Variants in KIAA1217 observed in about 807,000 individuals in gnomAD.
KIAA1217 encodes sickle tail protein homolog.
Under a neutral mutation model 163.9 loss-of-function variants are expected in KIAA1217, and 88 were observed. The ratio of observed to expected loss-of-function variants is 0.54; its 90% CI spans 0.45 to 0.64. KIAA1217 has a LOEUF of 0.64. Ranked by LOEUF, KIAA1217 falls within the 30% of genes least tolerant of loss-of-function variation. KIAA1217 has a pLI of 0.00. For synonymous variants in KIAA1217, 903 were observed against 923.1 expected (o/e 0.98, Z 0.39); for missense variants, 2,372 against 2,475.0 (o/e 0.96, Z 0.88).
At chr10:24,265,186 C>T (rs187843644) in intron 2 of KIAA1217, among the ~76,000 whole-genome samples, 1 of 152,300 alleles carries the variant, frequency 6.6e-6, no homozygotes, top group African/African-American at 2.4e-5. Flanking sequence ...ATTTCAAAGA[C>T]ATTAGCCATG....
chr10:24,304,306 T>G (rs941985959), intron 2 of KIAA1217, among the ~76,000 whole-genome samples: 2 of 151,920 alleles, frequency 1.3e-5, no homozygotes, highest in Admixed American at 6.6e-5. Flanking sequence ...CACTTGACAT[T>G]TTGTTTTAGA....
rs148920415 is a variant in KIAA1217 at position 24,061,165 on chromosome 10, T to C, written c.-171+53791T>C. Among the ~76,000 whole-genome samples the C allele has an allele frequency of 2.8e-3, 428 of 152,326 alleles. 2 individuals carry two copies. Among genetic ancestry groups the C allele is most frequent in the African/African-American group, 9.2e-3 (383 of 41,576 alleles). ...ATTTTTCTTGTGTGTATTTTTCTTC[T>C]GTAGGTATTTTCTTTGTGGTTACCA... On this transcript the variant is annotated intron_variant, in intron 2 of 18. Coordinates refer to the KIAA1217 transcript ENST00000376462.
intron 2 of KIAA1217, among the ~76,000 whole-genome samples, chr10:24,337,310 A>G (rs184581987): frequency 6.4e-4 from 97 of 152,346 alleles, no homozygotes; most frequent in African/African-American, 2.2e-3. Flanking sequence ...ACATGAAAAG[A>G]TGGTTAATAT....
At chr10:24,336,701 G>C (rs1408075046) in intron 2 of KIAA1217, among the ~76,000 whole-genome samples, 1 of 152,166 alleles carries the variant, frequency 6.6e-6, no homozygotes, top group Non-Finnish European at 1.5e-5. Context: ...TCAAGAAAGA[G>C]GGCAGACTCT....
At chr10:23,918,427 A>G (rs1478134441) in intron 1 of KIAA1217, among the ~76,000 whole-genome samples, 1 of 152,152 alleles carries the variant, frequency 6.6e-6, no homozygotes, top group Non-Finnish European at 1.5e-5. Context: ...AATGAAGCAT[A>G]ACTGATGCTT....
At chr10:23,836,026 G>C (rs565876222) in intron 1 of KIAA1217, among the ~76,000 whole-genome samples, 2 of 152,126 alleles carry the variant, frequency 1.3e-5, no homozygotes, top group South Asian at 4.2e-4. Context: ...AAGTTAAAAT[G>C]GGGTCATTAT....
intron 5 of KIAA1217, among the ~76,000 whole-genome samples, chr10:24,446,474 C>T (rs1471209614): frequency 6.6e-6 from 1 of 152,058 alleles, no homozygotes; most frequent in African/African-American, 2.4e-5. Flanking sequence ...CCACTGAACT[C>T]AGAGCACTTT....
chr10:24,157,300 T>G (rs981614789), intron 2 of KIAA1217, among the ~76,000 whole-genome samples: 1 of 152,244 alleles, frequency 6.6e-6, no homozygotes, highest in Non-Finnish European at 1.5e-5. Context: ...ATCTTTCAGA[T>G]GTATCCATAG....
chr10:24,006,331 T>C (rs970256313), intron 1 of KIAA1217, among the ~76,000 whole-genome samples: 1 of 152,204 alleles, frequency 6.6e-6, no homozygotes, highest in Admixed American at 6.5e-5. Context: ...ATTACCTTTT[T>C]CCATACTTTT....
At chr10:23,932,698 C>T (rs1465337772) in intron 1 of KIAA1217, among the ~76,000 whole-genome samples, 1 of 152,172 alleles carries the variant, frequency 6.6e-6, no homozygotes, top group Non-Finnish European at 1.5e-5. Context: ...CATTAAAAAA[C>T]ATGAGTTCTG....
chr10:23,895,909 G>A (rs868619313), intron 1 of KIAA1217, among the ~76,000 whole-genome samples: 55 of 147,768 alleles, frequency 3.7e-4, no homozygotes, highest in South Asian at 1.3e-3. Flanking sequence ...ACCAAACACC[G>A]CATATTCTCA....
intron 2 of KIAA1217, among the ~76,000 whole-genome samples, chr10:24,326,089 C>G (rs2044842482): frequency 1.3e-5 from 2 of 152,164 alleles, no homozygotes; most frequent in African/African-American, 4.8e-5. Flanking sequence ...GAAAGCAACA[C>G]TATAAAGGCC....
intron 1 of KIAA1217, among the ~76,000 whole-genome samples, chr10:23,969,876 G>T (rs377594906): frequency 1.3e-5 from 2 of 152,208 alleles, no homozygotes; most frequent in East Asian, 3.8e-4. Flanking sequence ...TTCCACGTGG[G>T]TGGGGAGGCC....
chr10:24,521,644 C>T, intron 11 of KIAA1217, 138 bp from the exon 12 acceptor site: 1 of 1,003,414 alleles, frequency 1.0e-6, no homozygotes, highest in South Asian at 1.5e-5. Context: ...GTGCTCTTAA[C>T]CCACTGCCAC....
Position 24,500,769 on chromosome 10 carries a change from T to G in KIAA1217, c.1835-610T>G, listed in dbSNP as rs1032546390. Among the ~76,000 whole-genome samples, 26 of 152,226 alleles carry G rather than the reference T, an allele frequency of 1.7e-4. No individual in the cohort carries two copies. The South Asian group carries it at 5.2e-3, about 30-fold the overall frequency. Reference sequence around the variant, plus strand: ...TTCTCTATTATAAAATTGCAGATATTCAGTATGCAGATTTTAGAAATACAA... The same window carrying G: ...TTCTCTATTATAAAATTGCAGATATGCAGTATGCAGATTTTAGAAATACAA... On this transcript the variant is annotated intron_variant, in intron 8 of 20. Transcript: ENST00000376454.
intron 1 of KIAA1217, among the ~76,000 whole-genome samples, chr10:23,927,546 A>C (rs535175497): frequency 1.8e-4 from 27 of 152,320 alleles, no homozygotes; most frequent in African/African-American, 5.5e-4. Flanking sequence ...ACATGCTGTG[A>C]GATGCTCATA....
intron 1 of KIAA1217, among the ~76,000 whole-genome samples, chr10:23,802,497 G>A (rs749528495): frequency 6.6e-5 from 10 of 152,154 alleles, no homozygotes; most frequent in Non-Finnish European, 1.2e-4. Context: ...ACACCCAGGT[G>A]TCTGATTGAC....
At chr10:23,874,835 G>A (rs1840609137) in intron 1 of KIAA1217, among the ~76,000 whole-genome samples, 1 of 151,942 alleles carries the variant, frequency 6.6e-6, no homozygotes, top group African/African-American at 2.4e-5. Context: ...TTTCTGTGCT[G>A]CTATAAAGGA....
intron 2 of KIAA1217, among the ~76,000 whole-genome samples, chr10:24,226,528 G>A (rs1368800178): frequency 6.6e-6 from 1 of 152,062 alleles, no homozygotes; most frequent in South Asian, 2.1e-4. Context: ...TGTAGTCCCA[G>A]CTACTCTGGA....
Sources: allele counts gnomAD v4.1 joint callset (sites outside exome capture counted in the v4.1 genomes callset), GRCh38; gene constraint gnomAD v4.1.1; transcripts MANE v1.5; gene names NCBI Gene and HGNC (gene_info 2026-07-23, HGNC 2026-07-21).